The following MAPK6 variants were observed in gnomAD, a reference collection of about 807,000 sequenced individuals.
MAPK6 encodes ERK-3.
Under a neutral mutation model 59.3 loss-of-function variants are expected in MAPK6, and 19 were observed. The observed-to-expected ratio is 0.32, with a 90% CI of 0.22 to 0.47. The LOEUF (loss-of-function observed/expected upper bound fraction) is 0.47, where lower values mean the gene tolerates loss of function less well. Ranked by LOEUF, MAPK6 falls within the 20% of genes least tolerant of loss-of-function variation. The pLI, the probability that MAPK6 is intolerant of heterozygous loss-of-function variation, is 1.00. For synonymous variants in MAPK6, 316 were observed against 290.3 expected, an observed-to-expected ratio of 1.09 and a Z score of -0.90; for missense variants, 724 against 847.9, an observed-to-expected ratio of 0.85 and a Z score of 1.81.
At chr15:52,027,752 T>G (rs1217308735) in intron 1 of MAPK6, 1 of 128,178 alleles carries the variant, frequency 7.8e-6, no homozygotes, top group Non-Finnish European at 1.6e-5. Flanking sequence ...GATTTCTCTT[T>G]ATTTATTTAT....
chr15:52,059,040 T>C (rs1271471247), intron 4 of MAPK6, among the ~76,000 whole-genome samples: 1 of 152,226 alleles, frequency 6.6e-6, no homozygotes, highest in Non-Finnish European at 1.5e-5. Flanking sequence ...ATTTTGAATA[T>C]AGGCACTGGG....
At chr15:51,974,668 A>C (rs2141798277) in intron 1 of MAPK6, among the ~76,000 whole-genome samples, 1 of 149,916 alleles carries the variant, frequency 6.7e-6, no homozygotes, top group East Asian at 2.0e-4. Flanking sequence ...CAAAAAAAAA[A>C]AAAAAAAAAA....
chr15:51,983,598 C>T (rs1696532814), intron 2 of MAPK6, among the ~76,000 whole-genome samples: 1 of 152,036 alleles, frequency 6.6e-6, no homozygotes, highest in Non-Finnish European at 1.5e-5. Flanking sequence ...TTGCTTGAGC[C>T]CAGCAGTTGG....
At chr15:52,002,996 G>A (rs1453584393) in intron 2 of MAPK6, among the ~76,000 whole-genome samples, 2 of 152,154 alleles carry the variant, frequency 1.3e-5, no homozygotes, top group Non-Finnish European at 2.9e-5. Flanking sequence ...AGACCAACCT[G>A]ACCAACATGG....
chr15:51,992,305 ATT>A (rs61396800), intron 2 of MAPK6, among the ~76,000 whole-genome samples: 2 of 101,422 alleles, frequency 2.0e-5, no homozygotes, highest in Admixed American at 2.3e-4. Flanking sequence ...ATATATATAT[ATT>A]TTTTTTTTTT....
chr15:51,988,530 A>G (rs907824388), intron 2 of MAPK6, among the ~76,000 whole-genome samples: 1 of 152,040 alleles, frequency 6.6e-6, no homozygotes, highest in African/African-American at 2.4e-5. Flanking sequence ...GCAGGAGTTC[A>G]AGACCAGCCT....
chr15:51,998,859 T>A (rs2057234047), intron 2 of MAPK6, among the ~76,000 whole-genome samples: 1 of 149,078 alleles, frequency 6.7e-6, no homozygotes, highest in South Asian at 2.1e-4. Context: ...CCTGGCTAAT[T>A]TTTTGTATTT....
chr15:52,036,356 A>G (rs2031241868), intron 1 of MAPK6, among the ~76,000 whole-genome samples: 1 of 152,212 alleles, frequency 6.6e-6, no homozygotes, highest in Non-Finnish European at 1.5e-5. Flanking sequence ...TGCTAAAACA[A>G]CACCTGAGAC....
intron 2 of MAPK6, among the ~76,000 whole-genome samples, chr15:51,986,649 T>C (rs1288339380): frequency 6.6e-6 from 1 of 152,234 alleles, no homozygotes; most frequent in Non-Finnish European, 1.5e-5. Context: ...TTTCAGCCAC[T>C]AGTACCATAA....
intron 2 of MAPK6, among the ~76,000 whole-genome samples, chr15:51,993,349 G>C (rs749636512): frequency 5.5e-4 from 83 of 152,232 alleles, no homozygotes; most frequent in Non-Finnish European, 6.8e-4. Flanking sequence ...TTTTAGGAGC[G>C]CTACATCAGG....
intron 5 of MAPK6, among the ~76,000 whole-genome samples, chr15:52,063,050 CATTTCT>C (rs1377296327): frequency 6.6e-6 from 1 of 151,996 alleles, no homozygotes; most frequent in African/African-American, 2.4e-5. Flanking sequence ...TCCATGTGTC[CATTTCT>C]ACCCCCTAAA....
rs182460400 is a variant in MAPK6 at position 52,036,530 on chromosome 15, A to G, written c.-631-9300A>G. On this transcript the variant is annotated intron_variant, in intron 1 of 5. Transcript: ENST00000261845. ...CTTTTATAATAGGCCCACTCCCACA[A>G]TAATGACATTAACCCATCTGCTTCT... Among the ~76,000 whole-genome samples, 99 of 152,304 alleles carry G rather than the reference A, an allele frequency of 6.5e-4. 1 individual carries two copies. Among genetic ancestry groups the G allele is most frequent in the African/African-American group, 2.3e-3 (97 of 41,580 alleles).
intron 1 of MAPK6, among the ~76,000 whole-genome samples, chr15:52,029,701 C>T (rs993252803): frequency 3.0e-4 from 46 of 152,084 alleles, no homozygotes; most frequent in Middle Eastern, 3.2e-3. Flanking sequence ...TTCCCTTATC[C>T]CCATAGCTAA....
chr15:52,050,217 A>T lies in MAPK6; in HGVS notation c.700+80A>T, dbSNP rs2031732323. 10 of 1,230,654 alleles carry T rather than the reference A, an allele frequency of 8.1e-6. No individual in the cohort carries two copies. The South Asian group carries it at 1.4e-4, about 17-fold the overall frequency. The allele number at this position is 1,230,654 out of a possible 1,614,324, so 76.2% of individuals were successfully genotyped here. A position where few individuals can be genotyped will look rare whatever the true frequency, so the allele number is the denominator to read the frequency against. On this transcript the variant is annotated intron_variant, in intron 3 of 5. Coordinates refer to ENST00000261845, the MANE Select transcript of MAPK6 (RefSeq NM_002748.4). The stretch of plus-strand genomic sequence containing the variant: ...ATCTCTGAAGCAAGATTCATATAAG[A>T]TTTAAAATAATTTGTTATGATCTGT...
At chr15:52,008,777 T>A (rs1283824044) in intron 3 of MAPK6, among the ~76,000 whole-genome samples, 3 of 152,166 alleles carry the variant, frequency 2.0e-5, no homozygotes, top group African/African-American at 7.2e-5. Flanking sequence ...GAGGCCAGGA[T>A]GGGCAGATGA....
In MAPK6 at chr15:52,047,019, T is replaced by C; in HGVS notation, c.555+4T>C. ...GGATCCTCATTATTCCCATAAGGTA[T>C]GTATAGAAAGCCAGCTGAGACAGAT... On this transcript the variant is annotated splice_donor_region_variant and intron_variant, in intron 2 of 5. Coordinates refer to ENST00000261845, the MANE Select transcript of MAPK6 (RefSeq NM_002748.4). 1 of 1,533,684 alleles carries C rather than the reference T, an allele frequency of 6.5e-7. No individual in the cohort carries two copies. The highest frequency in any genetic ancestry group is 8.7e-7 in the Non-Finnish European group (1 of 1,143,314).
intron 2 of MAPK6, 49 bp downstream of exon 2, chr15:52,047,064 A>C (rs2031613877): frequency 7.7e-7 from 1 of 1,297,680 alleles, no homozygotes; most frequent in Non-Finnish European, 1.0e-6. Flanking sequence ...GATACACCTA[A>C]TCAGGAATAG....
At chr15:51,986,376 GT>G (rs375549931) in intron 2 of MAPK6, among the ~76,000 whole-genome samples, 40 of 144,914 alleles carry the variant, frequency 2.8e-4, no homozygotes, top group African/African-American at 8.9e-4. Flanking sequence ...TCCCAATTTC[GT>G]TTTTTTTTTA....
chr15:52,032,976 C>T (rs1021220170), intron 1 of MAPK6, among the ~76,000 whole-genome samples: 20 of 152,080 alleles, frequency 1.3e-4, no homozygotes, highest in Admixed American at 4.6e-4. Flanking sequence ...TGAGCCACCG[C>T]GCCCGGCCTC....
Sources: allele counts gnomAD v4.1 joint callset (sites outside exome capture counted in the v4.1 genomes callset), GRCh38; gene constraint gnomAD v4.1.1; transcripts MANE v1.5; gene names NCBI Gene and HGNC (gene_info 2026-07-23, HGNC 2026-07-21).